DIP2B: variants seen among roughly 807,000 people sequenced by gnomAD.
DIP2B encodes DIP2 acetate--CoA ligase B (putative), also known as disco-interacting protein 2 homolog B.
In DIP2B, 76 loss-of-function variants were observed where a neutral mutation model predicts 198.0. The ratio of observed to expected loss-of-function variants is 0.38; its 90% CI spans 0.32 to 0.46. The LOEUF is 0.46. DIP2B is among the 20% of genes least tolerant of loss of function. DIP2B has a pLI of 0.99. For missense variants in DIP2B, 1,559 were observed against 1,978.4 expected, an observed-to-expected ratio of 0.79 and a Z score of 4.02; for synonymous variants, 701 against 739.1, an observed-to-expected ratio of 0.95 and a Z score of 0.84.
chr12:50,637,104 A>G (rs1013915426), intron 2 of DIP2B, among the ~76,000 whole-genome samples: 2 of 152,112 alleles, frequency 1.3e-5, no homozygotes, highest in Non-Finnish European at 2.9e-5. Flanking sequence ...TGAGGGCCCT[A>G]TAATGATTCA....
At chr12:50,597,396 A>T (rs955866824) in intron 1 of DIP2B, among the ~76,000 whole-genome samples, 1 of 152,236 alleles carries the variant, frequency 6.6e-6, no homozygotes, top group Admixed American at 6.5e-5. Context: ...TTCTTAGTTT[A>T]TCCATTGGGC....
At chr12:50,615,348 ATACATT>A (rs1254299358) in intron 1 of DIP2B, among the ~76,000 whole-genome samples, 1 of 152,144 alleles carries the variant, frequency 6.6e-6, no homozygotes, top group Non-Finnish European at 1.5e-5. Flanking sequence ...GTTTATTTAC[ATACATT>A]TACATATATG....
chr12:50,615,861 G>C (rs1167045924), intron 1 of DIP2B, among the ~76,000 whole-genome samples: 1 of 152,200 alleles, frequency 6.6e-6, no homozygotes, highest in Non-Finnish European at 1.5e-5. Context: ...TTTCATGCTA[G>C]AACCCGTGCT....
chr12:50,643,898 A>G (rs1938304229), intron 3 of DIP2B, among the ~76,000 whole-genome samples: 1 of 152,202 alleles, frequency 6.6e-6, no homozygotes, highest in Non-Finnish European at 1.5e-5. Context: ...TTTACATGTC[A>G]TGTGCAAAAA....
chr12:50,624,036 G>A (rs994366641), intron 1 of DIP2B, among the ~76,000 whole-genome samples: 32 of 152,154 alleles, frequency 2.1e-4, no homozygotes, highest in African/African-American at 7.0e-4. Context: ...GTAGAGCACA[G>A]GATACTCTTA....
Position 50,660,177 on chromosome 12 carries a change from A to G in DIP2B, c.302-17A>G. On this transcript the variant is annotated splice_polypyrimidine_tract_variant and intron_variant, in intron 3 of 37. Transcript: ENST00000301180. ...CAAGAGCCGGAAGCTAATAAATGCAAATGTTTGCTTTTTCAGATATCCACA... is the reference window on the plus strand; with the variant it reads ...CAAGAGCCGGAAGCTAATAAATGCAGATGTTTGCTTTTTCAGATATCCACA... The G allele has an allele frequency of 6.3e-7, 1 of 1,599,958 alleles. No homozygotes were observed. The highest frequency in any genetic ancestry group is 1.3e-5 in the African/African-American group (1 of 74,656).
chr12:50,686,740 C>G, intron 12 of DIP2B, 58 bp downstream of exon 12: 1 of 1,505,792 alleles, frequency 6.6e-7, no homozygotes, highest in Non-Finnish European at 9.0e-7. Context: ...TGCTTGCCAC[C>G]TTTCAAAATA....
At chr12:50,670,100 T>C (rs1278131402) in intron 4 of DIP2B, among the ~76,000 whole-genome samples, 1 of 151,940 alleles carries the variant, frequency 6.6e-6, no homozygotes, top group Non-Finnish European at 1.5e-5. Flanking sequence ...TTTCCCCGGC[T>C]TTTGCTTCCC....
At chr12:50,664,762 A>G (rs1358205117) in intron 4 of DIP2B, among the ~76,000 whole-genome samples, 2 of 150,018 alleles carry the variant, frequency 1.3e-5, no homozygotes, top group African/African-American at 4.9e-5. Context: ...CTCACACAGG[A>G]CTCTGCTTGA....
At chr12:50,742,679 T>C (rs1169593622) in intron 37 of DIP2B, among the ~76,000 whole-genome samples, 2 of 152,098 alleles carry the variant, frequency 1.3e-5, no homozygotes, top group East Asian at 1.9e-4. Flanking sequence ...GTGGATCACC[T>C]GAGGTCAGGA....
Position 50,704,195 on chromosome 12 carries a change from C to G in DIP2B, c.2381C>G (p.Ser794Ter). The change falls in exon 20 of 38, where the codon TCA (serine) becomes TGA (stop). Residue 794 changes from serine (S) to a stop codon, truncating the protein, a stop_gained. Transcript: ENST00000301180. LOFTEE classifies it high-confidence loss of function. Reference sequence around the variant, plus strand: ...GTTGGGGATGTGCCATTCATCCGATCAGGATTGCTGGGGTTTGTAGGGCCG... The same window carrying G: ...GTTGGGGATGTGCCATTCATCCGATGAGGATTGCTGGGGTTTGTAGGGCCG... ...SPVGDVPFIRSGLLGFVGPGS... is the reference protein window; with the variant it reads ...SPVGDVPFIR 1 of 1,611,366 alleles carries G rather than the reference C, an allele frequency of 6.2e-7. No homozygotes were observed. Among genetic ancestry groups the G allele is most frequent in the Non-Finnish European group, 8.5e-7 (1 of 1,179,532 alleles).
intron 1 of DIP2B, among the ~76,000 whole-genome samples, chr12:50,553,203 T>C (rs1958442044): frequency 6.6e-6 from 1 of 152,230 alleles, no homozygotes; most frequent in Non-Finnish European, 1.5e-5. Context: ...GATGTCCAGT[T>C]TTCCCAGAAC....
rs115363864 is a variant in DIP2B, at chr12:50,547,054, C to T, written c.100+41814C>T. On this transcript the variant is annotated intron_variant, in intron 1 of 37. Coordinates refer to ENST00000301180, the MANE Select transcript of DIP2B (RefSeq NM_173602.3). ...CCCTTCTTTTTTGACCTTCGTGGTA[C>T]TATTAACCACCAACTTTGGTGAAAT... Among the ~76,000 whole-genome samples, 446 of 152,270 alleles carry T rather than the reference C, an allele frequency of 2.9e-3. 6 individuals carry two copies. The highest frequency in any genetic ancestry group is 0.01 in the African/African-American group (423 of 41,554).
chr12:50,521,100 T>G (rs948300695), intron 1 of DIP2B, among the ~76,000 whole-genome samples: 2 of 147,702 alleles, frequency 1.4e-5, no homozygotes, highest in African/African-American at 5.0e-5. Context: ...AACAGTTTTT[T>G]TTTTTTTTTT....
At chr12:50,524,907 G>A (rs1958149631) in intron 1 of DIP2B, among the ~76,000 whole-genome samples, 1 of 152,044 alleles carries the variant, frequency 6.6e-6, no homozygotes, top group Non-Finnish European at 1.5e-5. Flanking sequence ...TTTATTTTTT[G>A]TAGATACAGG....
rs571344347 is a variant in DIP2B at position 50,692,594 on chromosome 12, T to C, written c.1655-355T>C. 2.6e-4 allele frequency among the ~76,000 whole-genome samples: 40 copies of C among 152,194 alleles called. 1 individual carries two copies. Among genetic ancestry groups the C allele is most frequent in the African/African-American group, 9.4e-4 (39 of 41,512 alleles). ...GGCTTATGTCTGTAATCCCAGCACA[T>C]TGGGAGGCCGAGGCAGGAGGATCAC... On this transcript the variant is annotated intron_variant, in intron 13 of 37. Coordinates refer to ENST00000301180, the MANE Select transcript of DIP2B (RefSeq NM_173602.3).
intron 3 of DIP2B, among the ~76,000 whole-genome samples, chr12:50,642,682 G>A (rs1414058588): frequency 3.3e-5 from 5 of 152,236 alleles, no homozygotes; most frequent in African/African-American, 7.2e-5. Flanking sequence ...CCAGCTCCTC[G>A]GGAGGCTGAG....
intron 16 of DIP2B, among the ~76,000 whole-genome samples, 156 bp downstream of exon 16, chr12:50,696,123 T>A (rs1456183127): frequency 6.6e-6 from 1 of 152,232 alleles, no homozygotes; most frequent in African/African-American, 2.4e-5. Context: ...TGTGTAACCA[T>A]CATTACAATC....
At chr12:50,598,168 A>G (rs542573308) in intron 1 of DIP2B, among the ~76,000 whole-genome samples, 30 of 152,226 alleles carry the variant, frequency 2.0e-4, no homozygotes, top group African/African-American at 6.7e-4. Flanking sequence ...TCTTTCCTTT[A>G]GAGGAAGGAG....
Sources: allele counts gnomAD v4.1 joint callset (sites outside exome capture counted in the v4.1 genomes callset), GRCh38; gene constraint gnomAD v4.1.1; transcripts MANE v1.5; gene names NCBI Gene and HGNC (gene_info 2026-07-23, HGNC 2026-07-21).